Variants in OTOGL observed in about 807,000 individuals in gnomAD.
OTOGL encodes the protein otogelin like.
In OTOGL, 285 loss-of-function variants were observed where a neutral mutation model predicts 318.5. That is an observed-to-expected ratio of 0.89 (90% CI 0.81 to 0.99). The LOEUF (loss-of-function observed/expected upper bound fraction) is 0.99. Ranked by LOEUF, OTOGL falls within the 50% of genes least tolerant of loss-of-function variation. The pLI is 0.00. For missense variants in OTOGL, 2,899 were observed against 2,845.6 expected (o/e 1.02, Z -0.43); for synonymous variants, 987 against 936.5 (o/e 1.05, Z -0.99).
intron 1 of OTOGL, among the ~76,000 whole-genome samples, chr12:80,183,991 T>C (rs1318823481): frequency 6.6e-6 from 1 of 152,192 alleles, no homozygotes. Context: ...GGGTGATTAT[T>C]ATGTATATTA....
At chr12:80,188,737 T>TC in intron 1 of OTOGL, among the ~76,000 whole-genome samples, 1 of 152,222 alleles carries the variant, frequency 6.6e-6, no homozygotes, top group Non-Finnish European at 1.5e-5. Context: ...AGAGCTGAGC[T>TC]TTTGTTATAT....
At chr12:80,239,486 A>C in intron 11 of OTOGL, 47 bp downstream of exon 11, 1 of 1,332,364 alleles carries the variant, frequency 7.5e-7, no homozygotes, top group Non-Finnish European at 1.0e-6. Flanking sequence ...TTTATGCAAA[A>C]AGAAGACCCA....
chr12:80,343,509 G>GTTTTTTTTTTTTTTTT (rs58046272), intron 44 of OTOGL: 2 of 35,866 alleles, frequency 5.6e-5, no homozygotes, highest in African/African-American at 1.1e-4. Flanking sequence ...TTTTATTCTT[G>GTTTTTTTTTTTTTTTT]TTTTTTTTTT....
intron 35 of OTOGL, among the ~76,000 whole-genome samples, chr12:80,324,706 G>C (rs933072433): frequency 6.6e-6 from 1 of 152,152 alleles, no homozygotes; most frequent in African/African-American, 2.4e-5. Context: ...GGCCCGAGAG[G>C]TTATGAGGAA....
chr12:80,349,141 G>A (rs541831245), intron 44 of OTOGL, among the ~76,000 whole-genome samples: 2 of 152,106 alleles, frequency 1.3e-5, no homozygotes, highest in East Asian at 3.9e-4. Context: ...CATCATCAGA[G>A]TAAAAACATC....
chr12:80,347,837 T>C (rs1414987548), intron 44 of OTOGL, among the ~76,000 whole-genome samples: 1 of 152,232 alleles, frequency 6.6e-6, no homozygotes, highest in African/African-American at 2.4e-5. Context: ...TGGTATCTCA[T>C]TGTGATTTTG....
rs944752126 is a variant in OTOGL, at chr12:80,214,796, T to C, written c.168+2799T>C. 3.3e-5 allele frequency among the ~76,000 whole-genome samples: 5 copies of C among 152,294 alleles called. No individual in the cohort carries two copies. The East Asian group carries it at 5.8e-4, about 18-fold the overall frequency. ...AAGTCATTTCTGTGCAATTGGTTCA[T>C]TGAATCCAAGACAACCTCAATCATT... On this transcript the variant is annotated intron_variant, in intron 4 of 58. Transcript: ENST00000547103.
Position 80,210,831 on chromosome 12 carries a change from T to C in OTOGL, c.80-16T>C. 2 of 1,434,426 alleles carry C rather than the reference T, an allele frequency of 1.4e-6. No homozygotes were observed. Among genetic ancestry groups the C allele is most frequent in the Non-Finnish European group, 9.3e-7 (1 of 1,077,138 alleles). 88.9% of individuals were successfully genotyped at this position (1,434,426 alleles called of 1,614,324 possible). A position where few individuals can be genotyped will look rare whatever the true frequency, so the allele number is the denominator to read the frequency against. ...TGGATAATTTTTTTTCATTCTTATA[T>C]ATTTGTCTCTGGCAGAATATATTTG... On this transcript the variant is annotated splice_polypyrimidine_tract_variant and intron_variant, in intron 2 of 58. Transcript: ENST00000547103.
chr12:80,366,522 T>TATATATATATATATAA, intron 52 of OTOGL, 52 bp from the exon 53 acceptor site: 1 of 286,722 alleles, frequency 3.5e-6, no homozygotes, highest in East Asian at 8.7e-5. Flanking sequence ...TATATATATA[T>TATATATATATATATAA]ATATATATAA....
intron 13 of OTOGL, among the ~76,000 whole-genome samples, chr12:80,252,507 A>G (rs1881661437): frequency 6.6e-6 from 1 of 152,182 alleles, no homozygotes; most frequent in African/African-American, 2.4e-5. Context: ...CTTTTTAAAA[A>G]AGGAAAGGAA....
intron 38 of OTOGL, among the ~76,000 whole-genome samples, chr12:80,333,901 G>T (rs563928019): frequency 6.6e-5 from 10 of 152,244 alleles, no homozygotes; most frequent in African/African-American, 2.4e-4. Context: ...TGTATTAAAA[G>T]AATGACAAGG....
chr12:80,116,420 C>G (rs1406724716), intron 1 of OTOGL, among the ~76,000 whole-genome samples: 2 of 151,982 alleles, frequency 1.3e-5, no homozygotes, highest in Admixed American at 6.6e-5. Context: ...CTGGGTACCT[C>G]AGTTGGAAAT....
intron 1 of OTOGL, among the ~76,000 whole-genome samples, chr12:80,205,883 A>C (rs1876774430): frequency 6.6e-6 from 1 of 152,222 alleles, no homozygotes; most frequent in South Asian, 2.1e-4. Flanking sequence ...ATTATCATTG[A>C]CATATATACT....
At chr12:80,147,438 G>A (rs540896294) in intron 1 of OTOGL, among the ~76,000 whole-genome samples, 6 of 151,064 alleles carry the variant, frequency 4.0e-5, no homozygotes, top group African/African-American at 1.5e-4. Context: ...TATAATCTCT[G>A]TTCTTTTACA....
chr12:80,377,087 G>C, intron 57 of OTOGL, 36 bp from the exon 58 acceptor site: 1 of 1,422,532 alleles, frequency 7.0e-7, no homozygotes, highest in Non-Finnish European at 9.7e-7. Context: ...TTTAACGTAG[G>C]CCTTTGATGA....
At chr12:80,253,268 G>A (rs1408773241) in intron 13 of OTOGL, among the ~76,000 whole-genome samples, 198 bp from the exon 14 acceptor site, 1 of 152,044 alleles carries the variant, frequency 6.6e-6, no homozygotes, top group Non-Finnish European at 1.5e-5. Flanking sequence ...TAAGAAAATT[G>A]AAAACTACTG....
chr12:80,150,216 C>G (rs1872699689), intron 1 of OTOGL, among the ~76,000 whole-genome samples: 1 of 152,004 alleles, frequency 6.6e-6, no homozygotes, highest in South Asian at 2.1e-4. Context: ...TATTTTTTTT[C>G]TCTTTACCTC....
intron 52 of OTOGL, among the ~76,000 whole-genome samples, chr12:80,364,918 G>A (rs2138065131): frequency 6.6e-6 from 1 of 152,122 alleles, no homozygotes; most frequent in South Asian, 2.1e-4. Context: ...ACTATAGTGA[G>A]ATACCACTTC....
chr12:80,271,946 T>C, intron 24 of OTOGL, 136 bp downstream of exon 24: 1 of 990,754 alleles, frequency 1.0e-6, no homozygotes, highest in Non-Finnish European at 1.4e-6. Flanking sequence ...TAGAAGACTA[T>C]TGTGATTGTT....
Sources: gnomAD v4.1 joint callset for allele counts (sites outside exome capture counted in the v4.1 genomes callset) on GRCh38, gnomAD v4.1.1 for gene constraint, MANE v1.5 for transcripts, NCBI Gene and HGNC (gene_info 2026-07-23, HGNC 2026-07-21) for gene names.